RTN3: variants seen among roughly 807,000 people sequenced by gnomAD.
The protein encoded by RTN3 is reticulon 3.
RTN3 carries 49 observed loss-of-function variants against 77.8 expected under a neutral mutation model. The observed-to-expected ratio is 0.63, with a 90% confidence interval of 0.50 to 0.80. The LOEUF (loss-of-function observed/expected upper bound fraction) is 0.80. Ranked by LOEUF, RTN3 falls within the 30% of genes least tolerant of loss-of-function variation. The probability of loss-of-function intolerance (pLI) is 0.00; values close to 1 mark genes in which losing one functional copy is unlikely to be tolerated. For missense variants in RTN3, 1,236 were observed against 1,211.9 expected, an observed-to-expected ratio of 1.02 and a Z score of -0.29; for synonymous variants, 464 against 446.9, an observed-to-expected ratio of 1.04 and a Z score of -0.48.
intron 2 of RTN3, among the ~76,000 whole-genome samples, chr11:63,705,994 AAATCAC>A (rs1456940225): frequency 6.6e-6 from 1 of 152,248 alleles, no homozygotes; most frequent in East Asian, 1.9e-4. Flanking sequence ...AAAGTAATTA[AAATCAC>A]TAGACAGATT....
chr11:63,738,400 G>A (rs1206444791), intron 3 of RTN3, among the ~76,000 whole-genome samples: 2 of 152,098 alleles, frequency 1.3e-5, no homozygotes, highest in African/African-American at 4.8e-5. Context: ...AGCACTTTGG[G>A]AGGCCAAGGA....
intron 2 of RTN3, 69 bp from the exon 3 acceptor site, chr11:63,718,633 C>G: frequency 8.7e-7 from 1 of 1,154,362 alleles, no homozygotes; most frequent in Non-Finnish European, 1.2e-6. Context: ...AAGCATGCTG[C>G]TTGGCTTGGC....
intron 1 of RTN3, among the ~76,000 whole-genome samples, chr11:63,702,322 G>GT (rs536198212): frequency 0.015 from 2,181 of 143,424 alleles, 41 homozygotes; most frequent in African/African-American, 0.047. Flanking sequence ...TTGTTTTTTT[G>GT]TTTTTTTTTT....
At chr11:63,728,886 C>CAAAAAA (rs577443067) in intron 3 of RTN3, among the ~76,000 whole-genome samples, 3 of 78,684 alleles carry the variant, frequency 3.8e-5, no homozygotes, top group Non-Finnish European at 5.1e-5. Flanking sequence ...GACTCCGTCT[C>CAAAAAA]AAAAAAAAAA....
At chr11:63,745,034 C>T (rs1444703185) in intron 3 of RTN3, among the ~76,000 whole-genome samples, 4 of 152,162 alleles carry the variant, frequency 2.6e-5, no homozygotes, top group Non-Finnish European at 5.9e-5. Flanking sequence ...CATGCAGCCT[C>T]TTGCTGGTTA....
intron 7 of RTN3, among the ~76,000 whole-genome samples, chr11:63,754,557 G>A (rs1042657514): frequency 6.6e-6 from 1 of 151,728 alleles, no homozygotes; most frequent in Admixed American, 6.6e-5. Flanking sequence ...AAAATTAGTC[G>A]GGTGTGGTGG....
At chr11:63,689,674 T>C (rs1003750140) in intron 1 of RTN3, among the ~76,000 whole-genome samples, 3 of 151,918 alleles carry the variant, frequency 2.0e-5, no homozygotes, top group Non-Finnish European at 4.4e-5. Context: ...CCTATAACCA[T>C]ATCATTGTAA....
At position 63,711,197 on chromosome 11, in the gene RTN3, T is replaced by A. The variant is rs952397812; in HGVS notation, c.199+6290T>A. Reference sequence around the variant, plus strand: ...CAGGAGGCTGGGGCATGAGAATCACTTGAACCGGGGAGGTGGAGGTTGCAG... The same window carrying A: ...CAGGAGGCTGGGGCATGAGAATCACATGAACCGGGGAGGTGGAGGTTGCAG... On this transcript the variant is annotated intron_variant, in intron 2 of 8. Coordinates refer to ENST00000377819, the MANE Select transcript of RTN3 (RefSeq NM_001265589.2). 5.3e-5 allele frequency among the ~76,000 whole-genome samples: 8 copies of A among 152,064 alleles called. No individual in the cohort carries two copies. In the East Asian group the frequency reaches 1.6e-3, roughly 30 times the overall value.
intron 3 of RTN3, among the ~76,000 whole-genome samples, chr11:63,736,868 T>TATCC (rs902423653): frequency 2.0e-5 from 3 of 152,078 alleles, no homozygotes; most frequent in African/African-American, 7.2e-5. Flanking sequence ...CTAGAATGAC[T>TATCC]ATCCCATCAT....
chr11:63,752,309 T>C (rs2014148661), intron 4 of RTN3, among the ~76,000 whole-genome samples, 198 bp from the exon 5 acceptor site: 1 of 152,176 alleles, frequency 6.6e-6, no homozygotes. Flanking sequence ...GACTGTCCCA[T>C]GCTTTGCAGA....
At chr11:63,721,764 T>C (rs2011829573) in intron 3 of RTN3, among the ~76,000 whole-genome samples, 1 of 152,124 alleles carries the variant, frequency 6.6e-6, no homozygotes, top group Non-Finnish European at 1.5e-5. Flanking sequence ...TTTTTTGATA[T>C]GTGCTTTGTG....
chr11:63,749,080 G>A (rs1434567491), intron 3 of RTN3, among the ~76,000 whole-genome samples: 1 of 152,116 alleles, frequency 6.6e-6, no homozygotes, highest in African/African-American at 2.4e-5. Flanking sequence ...CCAGGAGTTC[G>A]AGACTAGCCT....
Position 63,753,653 on chromosome 11 carries a change from G to T in RTN3, c.2948-9G>T, listed in dbSNP as rs1218265577. On this transcript the variant is annotated splice_polypyrimidine_tract_variant and intron_variant, in intron 6 of 8. Transcript: ENST00000377819. ...TACACTTGCCATGTCCCATGATTCT[G>T]TCTTACAGCTGAACTGCTCATTTTC... 2 of 1,612,774 alleles carry T rather than the reference G, an allele frequency of 1.2e-6. No homozygotes were observed. Among genetic ancestry groups the T allele is most frequent in the African/African-American group, 2.7e-5 (2 of 74,912 alleles).
intron 3 of RTN3, among the ~76,000 whole-genome samples, chr11:63,724,093 A>G (rs910188884): frequency 6.6e-6 from 1 of 151,492 alleles, no homozygotes; most frequent in South Asian, 2.1e-4. Flanking sequence ...GTACATGTAA[A>G]TTGTTACAGC....
At chr11:63,738,609 G>T (rs1351833062) in intron 3 of RTN3, among the ~76,000 whole-genome samples, 1 of 147,330 alleles carries the variant, frequency 6.8e-6, no homozygotes, top group African/African-American at 2.5e-5. Context: ...ACCAGCCTGG[G>T]TGACAGAGTG....
chr11:63,696,164 C>A lies in RTN3; in HGVS notation c.143-8687C>A, dbSNP rs140696688. On this transcript the variant is annotated intron_variant, in intron 1 of 8. Transcript: ENST00000377819. ...GGCCTGGTGGCTCATGCCTGTAATCCTAGCACTTTGGGAGGCTTAGGCGGA... is the reference window on the plus strand; with the variant it reads ...GGCCTGGTGGCTCATGCCTGTAATCATAGCACTTTGGGAGGCTTAGGCGGA... 1.1e-4 allele frequency among the ~76,000 whole-genome samples: 16 copies of A among 151,420 alleles called. No individual in the cohort carries two copies. In the East Asian group the frequency reaches 2.3e-3, roughly 22 times the overall value.
At chr11:63,749,939 C>A in intron 3 of RTN3, 52 bp from the exon 4 acceptor site, 1 of 1,294,816 alleles carries the variant, frequency 7.7e-7, no homozygotes, top group Non-Finnish European at 1.1e-6. Flanking sequence ...GTATGCAAGA[C>A]ATAGTAGCTG....
At chr11:63,732,319 G>A (rs1259987533) in intron 3 of RTN3, among the ~76,000 whole-genome samples, 3 of 151,976 alleles carry the variant, frequency 2.0e-5, no homozygotes, top group Non-Finnish European at 1.5e-5. Flanking sequence ...GGGACTACAG[G>A]CACGCACTAT....
At chr11:63,682,565 C>T (rs1016754668) in intron 1 of RTN3, among the ~76,000 whole-genome samples, 1 of 150,030 alleles carries the variant, frequency 6.7e-6, no homozygotes, top group African/African-American at 2.5e-5. Context: ...TAGAGTCATG[C>T]TAAGCTATCA....
Sources: allele counts gnomAD v4.1 joint callset (sites outside exome capture counted in the v4.1 genomes callset), GRCh38; gene constraint gnomAD v4.1.1; transcripts MANE v1.5; gene names NCBI Gene and HGNC (gene_info 2026-07-23, HGNC 2026-07-21).